UBE2E3: variants seen among roughly 807,000 people sequenced by gnomAD.
UBE2E3 encodes the protein ubiquitin-conjugating enzyme E2 E3.
Under a neutral mutation model 23.6 loss-of-function variants are expected in UBE2E3, and 5 were observed. The ratio of observed to expected loss-of-function variants is 0.21; its 90% CI spans 0.11 to 0.44. UBE2E3 has a LOEUF of 0.44. UBE2E3 is among the 20% of genes least tolerant of loss of function. The pLI is 0.99. For synonymous variants in UBE2E3, 78 were observed against 87.5 expected, an observed-to-expected ratio of 0.89 and a Z score of 0.60; for missense variants, 81 against 249.8, an observed-to-expected ratio of 0.32 and a Z score of 4.55.
chr2:180,993,476 T>G (rs1046389092), intron 3 of UBE2E3, among the ~76,000 whole-genome samples: 2 of 152,196 alleles, frequency 1.3e-5, no homozygotes, highest in African/African-American at 4.8e-5. Context: ...TAGTCCAAAA[T>G]TGCTTTTGGG....
intron 3 of UBE2E3, among the ~76,000 whole-genome samples, chr2:180,988,017 C>T (rs1245153410): frequency 1.3e-5 from 2 of 152,122 alleles, no homozygotes; most frequent in Non-Finnish European, 2.9e-5. Context: ...CACTAACTTG[C>T]TATGTTATTA....
intron 5 of UBE2E3, among the ~76,000 whole-genome samples, chr2:181,062,583 AT>A (rs56270937): frequency 0.78 from 116,394 of 149,904 alleles, 45,405 homozygotes; most frequent in East Asian, 0.9. Context: ...CTCAAAATTC[AT>A]TTTTTTTTTT....
chr2:181,057,547 A>AAC (rs1348203819), intron 3 of UBE2E3, 146 bp from the exon 4 acceptor site: 5 of 614,152 alleles, frequency 8.1e-6, no homozygotes, highest in African/African-American at 1.8e-5. Context: ...TGCACATGCA[A>AAC]ACACATTGGG....
At chr2:181,005,144 AT>A in intron 3 of UBE2E3, among the ~76,000 whole-genome samples, 1 of 152,314 alleles carries the variant, frequency 6.6e-6, no homozygotes, top group African/African-American at 2.4e-5. Flanking sequence ...GTCAGAGTAG[AT>A]TTGGCATTTG....
rs528262238 is a variant in UBE2E3, at chr2:181,033,539, T to A, written c.246-24154T>A. On this transcript the variant is annotated intron_variant, in intron 3 of 5. Transcript: ENST00000410062. ...TATACAAAAATTAATTCAAGATGGA[T>A]TAAAGACTTAAATATTAGACCTAAA... Among the ~76,000 whole-genome samples, 7 of 151,976 alleles carry A rather than the reference T, an allele frequency of 4.6e-5. 1 individual carries two copies. In the South Asian group the frequency reaches 6.2e-4, roughly 13 times the overall value.
At chr2:181,008,194 A>G (rs759901779) in intron 3 of UBE2E3, among the ~76,000 whole-genome samples, 1 of 152,212 alleles carries the variant, frequency 6.6e-6, no homozygotes, top group African/African-American at 2.4e-5. Flanking sequence ...TATTTTGCTT[A>G]TGATGTTTTG....
chr2:181,000,865 T>G (rs1332023753), intron 3 of UBE2E3, among the ~76,000 whole-genome samples: 2 of 152,188 alleles, frequency 1.3e-5, no homozygotes, highest in Admixed American at 6.5e-5. Context: ...AGGCATTGAT[T>G]GAAACTGTTA....
chr2:181,022,206 A>G (rs550045295), intron 3 of UBE2E3, among the ~76,000 whole-genome samples: 1 of 152,148 alleles, frequency 6.6e-6, no homozygotes, highest in Middle Eastern at 3.4e-3. Context: ...ATGAATGTTA[A>G]TAGTTATTTT....
At position 181,057,911 on chromosome 2, in the gene UBE2E3, G is replaced by C. The variant is rs1057318718; in HGVS notation, c.378+86G>C. 5.2e-6 allele frequency: 7 copies of C among 1,358,272 alleles called. No individual in the cohort carries two copies. In the Admixed American group the frequency reaches 8.7e-5, roughly 17 times the overall value. The allele number at this position is 1,358,272 out of a possible 1,614,324, so 84.1% of individuals were successfully genotyped here. On this transcript the variant is annotated intron_variant, in intron 4 of 5. Coordinates refer to ENST00000410062, the MANE Select transcript of UBE2E3 (RefSeq NM_006357.4). The stretch of plus-strand genomic sequence containing the variant: ...TAGAACTTAAATGTGTATTGATGCA[G>C]TTATTTTGATTTCATTGCTTTTCAT...
intron 3 of UBE2E3, among the ~76,000 whole-genome samples, chr2:181,018,737 T>C (rs531436183): frequency 1.3e-5 from 2 of 152,180 alleles, no homozygotes; most frequent in Non-Finnish European, 2.9e-5. Context: ...ATACAGTTGG[T>C]AACATCTTAA....
At chr2:181,017,269 A>G (rs545667310) in intron 3 of UBE2E3, among the ~76,000 whole-genome samples, 19 of 152,314 alleles carry the variant, frequency 1.2e-4, no homozygotes, top group African/African-American at 3.8e-4. Context: ...ACTCCTGGAA[A>G]TAGATGTGTG....
At chr2:180,989,160 G>T (rs1260913790) in intron 3 of UBE2E3, among the ~76,000 whole-genome samples, 9 of 152,056 alleles carry the variant, frequency 5.9e-5, no homozygotes, top group Admixed American at 5.9e-4. Flanking sequence ...AATGGTTTAT[G>T]ATCAAAGCAA....
At chr2:181,000,466 C>A (rs901349856) in intron 3 of UBE2E3, among the ~76,000 whole-genome samples, 1 of 152,044 alleles carries the variant, frequency 6.6e-6, no homozygotes, top group African/African-American at 2.4e-5. Flanking sequence ...ACTCTGTATT[C>A]AGCATAGCAC....
intron 3 of UBE2E3, among the ~76,000 whole-genome samples, chr2:181,020,624 A>G (rs1262505666): frequency 3.3e-5 from 5 of 152,224 alleles, no homozygotes; most frequent in Admixed American, 1.3e-4. Context: ...TCTGCTGAGC[A>G]AATCTTATCA....
intron 3 of UBE2E3, among the ~76,000 whole-genome samples, chr2:181,037,413 C>G (rs966773635): frequency 1.3e-5 from 2 of 152,018 alleles, no homozygotes; most frequent in Non-Finnish European, 2.9e-5. Flanking sequence ...CATGAGGACC[C>G]TACAGTGGAA....
At chr2:180,981,445 C>T (rs1444137739) in intron 1 of UBE2E3, 1 of 152,152 alleles carries the variant, frequency 6.6e-6, no homozygotes, top group East Asian at 1.9e-4. Flanking sequence ...GATGAATCTT[C>T]GCTGCTGGCC....
At chr2:181,009,089 A>G (rs1685239477) in intron 3 of UBE2E3, among the ~76,000 whole-genome samples, 1 of 152,160 alleles carries the variant, frequency 6.6e-6, no homozygotes, top group African/African-American at 2.4e-5. Flanking sequence ...AAGGTAAAGA[A>G]GTAGTTATTT....
At chr2:181,028,553 T>A (rs1685970979) in intron 3 of UBE2E3, among the ~76,000 whole-genome samples, 2 of 152,156 alleles carry the variant, frequency 1.3e-5, no homozygotes, top group Admixed American at 1.3e-4. Flanking sequence ...TGCAGGTTTA[T>A]CAACTCTGAC....
chr2:180,995,922 T>G (rs1386685448), intron 3 of UBE2E3, among the ~76,000 whole-genome samples: 1 of 152,152 alleles, frequency 6.6e-6, no homozygotes, highest in Non-Finnish European at 1.5e-5. Context: ...TTTGGTTACC[T>G]GGTCATACAT....
Sources: gnomAD v4.1 joint callset for allele counts (sites outside exome capture counted in the v4.1 genomes callset) on GRCh38, gnomAD v4.1.1 for gene constraint, MANE v1.5 for transcripts, NCBI Gene and HGNC (gene_info 2026-07-23, HGNC 2026-07-21) for gene names.